HSD17B2: variants seen among roughly 807,000 people sequenced by gnomAD.
HSD17B2 encodes the protein 17-beta-hydroxysteroid dehydrogenase type 2.
In HSD17B2, 32 loss-of-function variants were observed where a neutral mutation model predicts 26.9. The observed-to-expected ratio is 1.19, with a 90% CI of 0.90 to 1.60. The LOEUF (loss-of-function observed/expected upper bound fraction) is 1.60. Among genes scored for constraint, HSD17B2 ranks in the 40% most tolerant of loss-of-function variants. HSD17B2 has a pLI of 0.00. For synonymous variants in HSD17B2, 246 were observed against 186.7 expected (o/e 1.32, Z -2.59); for missense variants, 613 against 468.6 (o/e 1.31, Z -2.85).
intron 3 of HSD17B2, among the ~76,000 whole-genome samples, chr16:82,074,242 C>T (rs1914762736): frequency 6.6e-6 from 1 of 152,172 alleles, no homozygotes; most frequent in African/African-American, 2.4e-5. Context: ...TTTCCCCATG[C>T]CTCTCTCTTC....
chr16:82,055,435 T>C (rs1914236905), intron 1 of HSD17B2, among the ~76,000 whole-genome samples: 1 of 152,198 alleles, frequency 6.6e-6, no homozygotes, highest in Admixed American at 6.5e-5. Flanking sequence ...TGGATGGTTT[T>C]ATATGTTGCC....
At chr16:82,050,697 G>C (rs960724785) in intron 1 of HSD17B2, among the ~76,000 whole-genome samples, 10 of 152,160 alleles carry the variant, frequency 6.6e-5, no homozygotes, top group Non-Finnish European at 5.9e-5. Context: ...TCCATTTACT[G>C]TTCTTTTCAC....
intron 3 of HSD17B2, among the ~76,000 whole-genome samples, chr16:82,073,032 G>C (rs1480366170): frequency 6.6e-6 from 1 of 152,144 alleles, no homozygotes; most frequent in Non-Finnish European, 1.5e-5. Flanking sequence ...CTGTACTCTA[G>C]CCTGGGTGAG....
intron 4 of HSD17B2, chr16:82,097,032 T>C (rs1180686250): frequency 6.6e-5 from 10 of 152,012 alleles, no homozygotes; most frequent in Non-Finnish European, 1.5e-4. Flanking sequence ...TTTCCCTTTT[T>C]CTTTTCTTAA....
intron 1 of HSD17B2, among the ~76,000 whole-genome samples, chr16:82,058,674 G>A (rs756352374): frequency 1.0e-3 from 156 of 152,022 alleles, no homozygotes; most frequent in Non-Finnish European, 1.8e-3. Flanking sequence ...GAATTTTCAC[G>A]GTGACCAGGT....
chr16:82,044,814 G>C (rs1468512459), intron 1 of HSD17B2, among the ~76,000 whole-genome samples: 2 of 152,026 alleles, frequency 1.3e-5, no homozygotes, highest in African/African-American at 4.8e-5. Flanking sequence ...TGTCACACTA[G>C]GTCCAGAAAA....
chr16:82,067,413 A>T (rs772298947), intron 1 of HSD17B2, among the ~76,000 whole-genome samples: 8 of 152,264 alleles, frequency 5.3e-5, no homozygotes, highest in African/African-American at 7.2e-5. Context: ...ACTTGTGGGT[A>T]TAAAACACTT....
At chr16:82,071,230 G>A (rs115818408) in intron 3 of HSD17B2, 103 bp downstream of exon 3, 3 of 1,123,360 alleles carry the variant, frequency 2.7e-6, no homozygotes, top group East Asian at 2.3e-5. Flanking sequence ...CAAAGGCAGG[G>A]TTGGGTCAGG....
intron 1 of HSD17B2, among the ~76,000 whole-genome samples, chr16:82,038,387 T>C (rs188666992): frequency 5.3e-5 from 8 of 152,322 alleles, no homozygotes; most frequent in Non-Finnish European, 1.0e-4. Flanking sequence ...TCTCAATCTG[T>C]TGCCCAGGCT....
At chr16:82,095,229 T>A (rs1904805967) in intron 4 of HSD17B2, 1 of 152,196 alleles carries the variant, frequency 6.6e-6, no homozygotes, top group African/African-American at 2.4e-5. Context: ...CGAAAACATG[T>A]TTTTCAGGAC....
intron 3 of HSD17B2, among the ~76,000 whole-genome samples, chr16:82,076,624 G>C (rs1375717578): frequency 2.6e-5 from 4 of 152,200 alleles, no homozygotes; most frequent in African/African-American, 9.7e-5. Context: ...TGCCAGGCTG[G>C]AGTGCAGTGG....
At position 82,098,114 on chromosome 16, in the gene HSD17B2, A is replaced by G. The variant is rs779563093; in HGVS notation, c.842A>G (p.Lys281Arg). The G allele has an allele frequency of 6.2e-7, 1 of 1,613,862 alleles. No individual in the cohort carries two copies. Among genetic ancestry groups the G allele is most frequent in the Non-Finnish European group, 8.5e-7 (1 of 1,179,860 alleles). ...GTSDKWEKLE[K>R]DILDHLPAEV... is the part of the protein sequence containing the mutation. ...AGTGACAAGTGGGAAAAGCTGGAGA[A>G]GGACATTCTGGACCACCTCCCCGCT... Residue 281 changes from lysine to arginine, a missense_variant, in exon 5 of 5, where the codon AAG becomes AGG. Physicochemically the swap from Lys to Arg is conservative, Grantham distance 26 (BLOSUM62 2). Transcript: ENST00000199936.
At chr16:82,048,086 G>A (rs1017505492) in intron 1 of HSD17B2, among the ~76,000 whole-genome samples, 2 of 152,136 alleles carry the variant, frequency 1.3e-5, no homozygotes, top group Non-Finnish European at 2.9e-5. Flanking sequence ...GAGAAATGAG[G>A]CTAAAATACA....
chr16:82,061,889 G>A (rs1402673821), intron 1 of HSD17B2, among the ~76,000 whole-genome samples: 1 of 152,148 alleles, frequency 6.6e-6, no homozygotes, highest in East Asian at 1.9e-4. Context: ...AGCTTCCAAA[G>A]GACAGTGCTT....
intron 3 of HSD17B2, chr16:82,071,426 A>G: frequency 2.2e-6 from 1 of 447,280 alleles, no homozygotes; most frequent in East Asian, 4.7e-5. Flanking sequence ...TGTACAGGAA[A>G]TCTCACATTA....
intron 2 of HSD17B2, among the ~76,000 whole-genome samples, chr16:82,070,616 C>G (rs1036496085): frequency 2.0e-5 from 3 of 152,288 alleles, no homozygotes; most frequent in African/African-American, 7.2e-5. Context: ...AGCACCTTAA[C>G]AAGGACTAGA....
chr16:82,068,591 A>T (rs1329072624), intron 2 of HSD17B2, among the ~76,000 whole-genome samples: 1 of 152,054 alleles, frequency 6.6e-6, no homozygotes, highest in African/African-American at 2.4e-5. Flanking sequence ...CACAGAACTT[A>T]CAGAAACCTC....
In HSD17B2 at chr16:82,047,476, C is replaced by T. The variant is rs8191075; in HGVS notation, c.265+11787C>T. Among the ~76,000 whole-genome samples the T allele has an allele frequency of 2.1e-3, 318 of 152,258 alleles. 2 individuals are homozygous for T. Among genetic ancestry groups the T allele is most frequent in the African/African-American group, 6.8e-3 (283 of 41,542 alleles). Reference sequence around the variant, plus strand: ...TGGGAATATAGTGGCAAATAGTATGCGTTCATGACATTGAATCAACTTGCA... The same window carrying T: ...TGGGAATATAGTGGCAAATAGTATGTGTTCATGACATTGAATCAACTTGCA... On this transcript the variant is annotated intron_variant, in intron 1 of 4. Coordinates refer to ENST00000199936, the MANE Select transcript of HSD17B2 (RefSeq NM_002153.3).
intron 3 of HSD17B2, among the ~76,000 whole-genome samples, chr16:82,080,710 A>C (rs560765898): frequency 6.6e-6 from 1 of 152,302 alleles, no homozygotes; most frequent in African/African-American, 2.4e-5. Flanking sequence ...CCGATTCCAA[A>C]CATTTTTCTT....
Sources: gnomAD v4.1 joint callset for allele counts (sites outside exome capture counted in the v4.1 genomes callset) on GRCh38, gnomAD v4.1.1 for gene constraint, MANE v1.5 for transcripts, NCBI Gene and HGNC (gene_info 2026-07-23, HGNC 2026-07-21) for gene names.